SRC: variants seen among roughly 807,000 people sequenced by gnomAD.
The protein encoded by SRC is SRC proto-oncogene, non-receptor tyrosine kinase, also known as proto-oncogene tyrosine-protein kinase Src.
Under a neutral mutation model 62.9 loss-of-function variants are expected in SRC, and 13 were observed. The observed-to-expected ratio is 0.21, with a 90% CI of 0.13 to 0.33. The LOEUF (loss-of-function observed/expected upper bound fraction) is 0.33. SRC is among the 10% of genes least tolerant of loss of function. The probability of loss-of-function intolerance (pLI) is 1.00; values close to 1 mark genes in which losing one functional copy is unlikely to be tolerated. For missense variants in SRC, 457 were observed against 737.3 expected, an observed-to-expected ratio of 0.62 and a Z score of 4.40; for synonymous variants, 302 against 317.5, an observed-to-expected ratio of 0.95 and a Z score of 0.52.
chr20:37,363,298 G>A (rs2070006088), intron 1 of SRC, among the ~76,000 whole-genome samples: 1 of 152,128 alleles, frequency 6.6e-6, no homozygotes, highest in South Asian at 2.1e-4. Flanking sequence ...GGGCCCCCTC[G>A]TGCCTAGGCC....
intron 1 of SRC, among the ~76,000 whole-genome samples, chr20:37,352,724 G>A (rs1185147620): frequency 6.6e-6 from 1 of 152,146 alleles, no homozygotes; most frequent in Non-Finnish European, 1.5e-5. Context: ...GGCTCGGGCT[G>A]CACAGCAAGG....
chr20:37,397,564 A>C lies in SRC; in HGVS notation c.704-135A>C. 1 of 1,218,818 alleles carries C rather than the reference A, an allele frequency of 8.2e-7. No homozygotes were observed. Among genetic ancestry groups the C allele is most frequent in the Non-Finnish European group, 1.1e-6 (1 of 910,194 alleles). The allele number at this position is 1,218,818 out of a possible 1,614,324, so 75.5% of individuals were successfully genotyped here. ...TGGGGCTGTGTGCACACAGATGTAG[A>C]TGCCTGGCTTTGAGGGCACCCTGCG... On this transcript the variant is annotated intron_variant, in intron 8 of 13. Coordinates refer to ENST00000373578, the MANE Select transcript of SRC (RefSeq NM_198291.3). The surrounding 1 kb of genome is among the most constrained non-coding windows in gnomAD (Gnocchi z 4.1).
intron 5 of SRC, among the ~76,000 whole-genome samples, chr20:37,387,271 C>T (rs146909199): frequency 3.4e-4 from 52 of 152,300 alleles, no homozygotes; most frequent in African/African-American, 1.2e-3. Context: ...TCCTGTTCAT[C>T]GCTCAAGATC....
intron 1 of SRC, among the ~76,000 whole-genome samples, chr20:37,362,707 C>G (rs2069994327): frequency 6.6e-6 from 1 of 151,340 alleles, no homozygotes; most frequent in Non-Finnish European, 1.5e-5. Context: ...GGCCTGGTGA[C>G]AGACTCTGGG....
At chr20:37,379,942 TAAAAAAAAAAAA>T (rs57772720) in intron 2 of SRC, among the ~76,000 whole-genome samples, 1 of 51,468 alleles carries the variant, frequency 1.9e-5, no homozygotes, top group African/African-American at 6.0e-5. Context: ...GAGCTTGGAG[TAAAAAAAAAAAA>T]AAAAAAAAAA....
At chr20:37,394,153 C>T in intron 6 of SRC, 21 bp from the exon 7 acceptor site, 1 of 1,606,352 alleles carries the variant, frequency 6.2e-7, no homozygotes, top group South Asian at 1.1e-5. Context: ...TCAGCACCAT[C>T]CTCCGTCCTC....
At chr20:37,360,508 T>C (rs1314317246) in intron 1 of SRC, among the ~76,000 whole-genome samples, 1 of 152,164 alleles carries the variant, frequency 6.6e-6, no homozygotes, top group Non-Finnish European at 1.5e-5. Context: ...AGTGCTGGAT[T>C]ACAGGCGTGA....
chr20:37,383,959 C>A (rs2070404190), intron 3 of SRC, among the ~76,000 whole-genome samples, 191 bp from the exon 4 acceptor site: 1 of 151,572 alleles, frequency 6.6e-6, no homozygotes, highest in Admixed American at 6.6e-5. Context: ...AGGTCTCAAA[C>A]TCCTGATCTC....
In SRC at chr20:37,392,504, C is replaced by T. The variant is rs545269517; in HGVS notation, c.351-1391C>T. 9.2e-5 allele frequency among the ~76,000 whole-genome samples: 14 copies of T among 152,348 alleles called. No individual in the cohort carries two copies. The East Asian group carries it at 2.7e-3, about 29-fold the overall frequency. On this transcript the variant is annotated intron_variant, in intron 5 of 13. Transcript: ENST00000373578. ...GGGCCCTGGCGGTGGGTGGGGGCCA[C>T]CCTGCCTGCCGTGTGTCTTCTCAGG... is the stretch of plus-strand genomic sequence containing the variant.
intron 2 of SRC, among the ~76,000 whole-genome samples, chr20:37,382,069 GC>G (rs1362791499): frequency 6.6e-6 from 1 of 152,178 alleles, no homozygotes; most frequent in East Asian, 1.9e-4. Flanking sequence ...AAACAGCCTT[GC>G]CCGAGGACCC....
intron 2 of SRC, among the ~76,000 whole-genome samples, chr20:37,365,892 T>C (rs1009249257): frequency 6.6e-6 from 1 of 152,170 alleles, no homozygotes; most frequent in Non-Finnish European, 1.5e-5. Flanking sequence ...CCAGAATTTT[T>C]TTTTTTTTTA....
At chr20:37,390,950 C>T (rs1231174892) in intron 5 of SRC, among the ~76,000 whole-genome samples, 1 of 152,200 alleles carries the variant, frequency 6.6e-6, no homozygotes, top group Non-Finnish European at 1.5e-5. Context: ...CTCCCTGCCC[C>T]TTGTGAAATG....
chr20:37,398,280 T>C lies in SRC; in HGVS notation c.859+426T>C, dbSNP rs2070688246. On this transcript the variant is annotated intron_variant, in intron 9 of 13. Coordinates refer to ENST00000373578, the MANE Select transcript of SRC (RefSeq NM_198291.3). This position sits in a 1 kb window ranked among gnomAD's most constrained non-coding sequence, Gnocchi z 5.2. The stretch of plus-strand genomic sequence containing the variant: ...CTCGCAGGAGGGAGTGCTGGGAAGC[T>C]TAGGTCTGGCATGGTCTGGGCCTGT... Among the ~76,000 whole-genome samples the C allele has an allele frequency of 6.6e-6, 1 of 152,094 alleles. No homozygotes were observed. Among genetic ancestry groups the C allele is most frequent in the Admixed American group, 6.5e-5 (1 of 15,268 alleles).
At chr20:37,400,625 TC>T (rs972831264) in intron 10 of SRC, among the ~76,000 whole-genome samples, 1 of 152,012 alleles carries the variant, frequency 6.6e-6, no homozygotes, top group Non-Finnish European at 1.5e-5. Context: ...CAAGGAGTCC[TC>T]CCACTTCCAC....
At chr20:37,394,891 GT>G (rs1290227312) in intron 7 of SRC, among the ~76,000 whole-genome samples, 1 of 152,168 alleles carries the variant, frequency 6.6e-6, no homozygotes, top group African/African-American at 2.4e-5. Context: ...ATGTGCGGGT[GT>G]GCATGCTGTG....
intron 5 of SRC, among the ~76,000 whole-genome samples, chr20:37,391,572 G>A (rs560421944): frequency 6.0e-4 from 91 of 152,314 alleles, no homozygotes; most frequent in Middle Eastern, 6.8e-3. Context: ...AGAAAGTGCT[G>A]GCCAGGCGCG....
chr20:37,360,248 GGGTCT>G (rs2069949607), intron 1 of SRC, among the ~76,000 whole-genome samples: 1 of 94,986 alleles, frequency 1.1e-5, no homozygotes, highest in East Asian at 2.2e-4. Context: ...TGGTGAGACA[GGGTCT>G]CACTCTGTCA....
rs2070751158 is a variant in SRC, at chr20:37,402,382, C to A, written c.1117-53C>A. 1 of 1,591,504 alleles carries A rather than the reference C, an allele frequency of 6.3e-7. No individual in the cohort carries two copies. Among genetic ancestry groups the A allele is most frequent in the Non-Finnish European group, 8.6e-7 (1 of 1,168,478 alleles). On this transcript the variant is annotated intron_variant, in intron 11 of 13. Transcript: ENST00000373578. The surrounding 1 kb of genome is among the most constrained non-coding windows in gnomAD (Gnocchi z 6.2). ...CTCCAGCCCCAGAGTGCTCTGTGGC[C>A]CTGGGAGGGCATGGGTGGCACCTGA...
In SRC at chr20:37,384,462, G is replaced by A. The variant is rs1169536001; in HGVS notation, c.250+59G>A. On this transcript the variant is annotated intron_variant, in intron 4 of 13. Transcript: ENST00000373578. The surrounding 1 kb of genome is among the most constrained non-coding windows in gnomAD (Gnocchi z 6.7). ...CCTGGGGCCACGGCGGGGAGGCGGC[G>A]GGGCTGTGTGCCCGGGGTCGCCCCC... 77 of 1,291,976 alleles carry A rather than the reference G, an allele frequency of 6.0e-5. No individual in the cohort carries two copies. The highest frequency in any genetic ancestry group is 9.7e-6 in the Non-Finnish European group (10 of 1,026,470). 80.0% of individuals were successfully genotyped at this position (1,291,976 alleles called of 1,614,324 possible).
Sources: gnomAD v4.1 joint callset for allele counts (sites outside exome capture counted in the v4.1 genomes callset) on GRCh38, gnomAD v4.1.1 for gene constraint, Gnocchi (gnomAD v3.1) non-coding constraint, MANE v1.5 for transcripts, NCBI Gene and HGNC (gene_info 2026-07-23, HGNC 2026-07-21) for gene names.